Variants in STK32C observed in about 807,000 individuals in gnomAD.
STK32C encodes serine/threonine kinase 32C.
STK32C carries 31 observed loss-of-function variants against 56.5 expected under a neutral mutation model. That is an observed-to-expected ratio of 0.55 (90% CI 0.41 to 0.74). The LOEUF is 0.74. STK32C is among the 30% of genes least tolerant of loss of function. STK32C has a pLI of 0.00. For missense variants in STK32C, 544 were observed against 676.9 expected, an observed-to-expected ratio of 0.80 and a Z score of 2.18; for synonymous variants, 309 against 289.4, an observed-to-expected ratio of 1.07 and a Z score of -0.69.
At chr10:132,289,809 G>A in intron 1 of STK32C, among the ~76,000 whole-genome samples, 1 of 152,162 alleles carries the variant, frequency 6.6e-6, no homozygotes, top group East Asian at 1.9e-4. Flanking sequence ...AAAGGCCCTA[G>A]GTCCTAATAC....
chr10:132,307,269 C>T lies in STK32C; in HGVS notation c.262+303G>A. The T allele has an allele frequency of 4.0e-6, 1 of 247,306 alleles. No homozygotes were observed. The highest frequency in any genetic ancestry group is 7.7e-6 in the Non-Finnish European group (1 of 129,812). The allele number at this position is 247,306 out of a possible 1,614,324, so 15.3% of individuals were successfully genotyped here. A position where few individuals can be genotyped will look rare whatever the true frequency, so the allele number is the denominator to read the frequency against. ...TCACGGAAAGCGGAAAGCAGGGCTG[C>T]CACGGGCGGTGGGCGGAGGCGCGCG... On this transcript the variant is annotated intron_variant, in intron 1 of 11. Transcript: ENST00000298630. The surrounding 1 kb of genome is among the most constrained non-coding windows in gnomAD (Gnocchi z 4.4).
chr10:132,264,595 C>G (rs1307828307), intron 1 of STK32C, among the ~76,000 whole-genome samples: 1 of 152,218 alleles, frequency 6.6e-6, no homozygotes. Flanking sequence ...CCTCTCCCAC[C>G]AGGGAGCTGA....
intron 1 of STK32C, among the ~76,000 whole-genome samples, chr10:132,282,026 G>A (rs928956483): frequency 2.0e-5 from 3 of 152,254 alleles, no homozygotes. Context: ...GCGCCTCCCT[G>A]ATCCCGGCCT....
intron 10 of STK32C, among the ~76,000 whole-genome samples, chr10:132,214,999 T>C (rs1278582930): frequency 6.6e-6 from 1 of 152,132 alleles, no homozygotes; most frequent in African/African-American, 2.4e-5. Flanking sequence ...AAGGTAGATA[T>C]CATATTGAAC....
At chr10:132,208,709 TGA>T (rs1163747496) in intron 11 of STK32C, among the ~76,000 whole-genome samples, 1 of 152,134 alleles carries the variant, frequency 6.6e-6, no homozygotes, top group Non-Finnish European at 1.5e-5. Context: ...AAAGGTCTGC[TGA>T]GAGACTGAGG....
intron 6 of STK32C, 82 bp downstream of exon 6, chr10:132,225,445 G>T (rs2062854462): frequency 6.3e-7 from 1 of 1,595,376 alleles, no homozygotes; most frequent in Non-Finnish European, 8.6e-7. Context: ...TGCCTCCAGG[G>T]TGGGACAGAG....
At chr10:132,319,973 C>T (rs549983504), downstream of STK32C, among the ~76,000 whole-genome samples, 34 of 151,190 alleles carry the variant, frequency 2.2e-4, no homozygotes, top group African/African-American at 7.3e-4. Flanking sequence ...CTGCAACCTC[C>T]GCCTCCCAGG....
At chr10:132,321,694 G>A (rs2066410984), downstream of STK32C, among the ~76,000 whole-genome samples, 1 of 152,166 alleles carries the variant, frequency 6.6e-6, no homozygotes, top group South Asian at 2.1e-4. Flanking sequence ...AGCCGGGTGT[G>A]GTGGCAGGCA....
At chr10:132,272,473 C>T (rs533592854) in intron 1 of STK32C, among the ~76,000 whole-genome samples, 1 of 152,378 alleles carries the variant, frequency 6.6e-6, no homozygotes, top group Non-Finnish European at 1.5e-5. Flanking sequence ...CCCTAGCTCA[C>T]ACTGCCACAG....
chr10:132,279,454 A>C (rs759871271), intron 1 of STK32C, among the ~76,000 whole-genome samples: 5 of 152,108 alleles, frequency 3.3e-5, no homozygotes, highest in Admixed American at 6.5e-5. Context: ...AAGTACATGC[A>C]TGTGTGTAAA....
rs79220014 is a variant in STK32C, at chr10:132,208,002, G to A, written c.*8C>T. 182,221 of 1,303,224 alleles carry A rather than the reference G, an allele frequency of 0.14. 14,056 individuals are homozygous for A. The highest frequency in any genetic ancestry group is 0.16 in the South Asian group (4,850 of 30,796). 80.7% of individuals were successfully genotyped at this position (1,303,224 alleles called of 1,614,324 possible). A position where few individuals can be genotyped will look rare whatever the true frequency, so the allele number is the denominator to read the frequency against. On this transcript the variant is annotated 3_prime_UTR_variant, in exon 12 of 12. Transcript: ENST00000298630. ...AGCTCAAGGGGTGAGGACCACGGGC[G>A]TCCCGGCCTAGCCGCTCCCGGCCGA...
chr10:132,272,528 G>T (rs773224597), intron 1 of STK32C, among the ~76,000 whole-genome samples: 10 of 152,194 alleles, frequency 6.6e-5, no homozygotes, highest in Non-Finnish European at 1.5e-4. Context: ...CTGAAGCCTT[G>T]GCATGGGCTC....
intron 1 of STK32C, among the ~76,000 whole-genome samples, chr10:132,291,290 C>T (rs947192549): frequency 2.0e-5 from 3 of 152,162 alleles, no homozygotes; most frequent in African/African-American, 7.2e-5. Flanking sequence ...CTGGACAGGC[C>T]ACACAGGTCC....
intron 1 of STK32C, among the ~76,000 whole-genome samples, chr10:132,285,023 C>A (rs573232094): frequency 7.5e-6 from 1 of 132,624 alleles, no homozygotes; most frequent in South Asian, 3.0e-4. Context: ...CACATTCCCA[C>A]GTCTGTCCAA....
At chr10:132,235,033 G>C (rs2063226177) in intron 2 of STK32C, among the ~76,000 whole-genome samples, 1 of 152,180 alleles carries the variant, frequency 6.6e-6, no homozygotes, top group Admixed American at 6.5e-5. Context: ...TGAGCAGTGT[G>C]AACTGTGAGT....
intron 1 of STK32C, among the ~76,000 whole-genome samples, chr10:132,287,592 C>G (rs1319369530): frequency 6.6e-6 from 1 of 151,754 alleles, no homozygotes; most frequent in African/African-American, 2.4e-5. Context: ...GCTGGGATGA[C>G]AGACGTGCAC....
At chr10:132,243,305 C>CA (rs2063568739) in intron 2 of STK32C, among the ~76,000 whole-genome samples, 1 of 152,226 alleles carries the variant, frequency 6.6e-6, no homozygotes, top group Non-Finnish European at 1.5e-5. Flanking sequence ...GCGAGCCTCT[C>CA]AGACACCGCA....
intron 2 of STK32C, among the ~76,000 whole-genome samples, chr10:132,230,990 G>A (rs1001273488): frequency 1.3e-5 from 2 of 152,168 alleles, no homozygotes; most frequent in South Asian, 2.1e-4. Flanking sequence ...TCACATGTGC[G>A]GCGGACACAG....
intron 1 of STK32C, among the ~76,000 whole-genome samples, chr10:132,286,356 A>G (rs1378059617): frequency 6.6e-6 from 1 of 152,244 alleles, no homozygotes; most frequent in Non-Finnish European, 1.5e-5. Flanking sequence ...GAAAACATTT[A>G]ATGGAAAAAC....
Sources: gnomAD v4.1 joint callset for allele counts (sites outside exome capture counted in the v4.1 genomes callset) on GRCh38, gnomAD v4.1.1 for gene constraint, Gnocchi (gnomAD v3.1) non-coding constraint, MANE v1.5 for transcripts, NCBI Gene and HGNC (gene_info 2026-07-23, HGNC 2026-07-21) for gene names.